The following SNX13 variants were observed in gnomAD, a reference collection of about 807,000 sequenced individuals.
SNX13 encodes sorting nexin-13.
A neutral mutation model predicts 133.6 loss-of-function variants in SNX13; 45 were observed. The ratio of observed to expected loss-of-function variants is 0.34; its 90% CI spans 0.27 to 0.43. The LOEUF (loss-of-function observed/expected upper bound fraction) is 0.43, where lower values mean the gene tolerates loss of function less well. Ranked by LOEUF, SNX13 falls within the 20% of genes least tolerant of loss-of-function variation. The pLI is 1.00. For missense variants in SNX13, 1,032 were observed against 1,145.1 expected (o/e 0.90, Z 1.43); for synonymous variants, 414 against 373.9 (o/e 1.11, Z -1.24).
At chr7:17,794,516 C>G (rs1450209535) in intron 25 of SNX13, 4 of 505,070 alleles carry the variant, frequency 7.9e-6, no homozygotes, top group South Asian at 2.9e-5. Context: ...CAATATAGCA[C>G]AGGTGTAAGA....
At chr7:17,831,445 AG>A in intron 15 of SNX13, 1 of 930,708 alleles carries the variant, frequency 1.1e-6, no homozygotes, top group Non-Finnish European at 1.3e-6. Context: ...GAAAGGGCAA[AG>A]GAAGAAATGA....
intron 13 of SNX13, among the ~76,000 whole-genome samples, chr7:17,836,849 A>C (rs955855762): frequency 5.9e-5 from 9 of 152,080 alleles, no homozygotes; most frequent in Non-Finnish European, 4.4e-5. Flanking sequence ...TGTACATAAA[A>C]GCAAAATATA....
At chr7:17,908,179 T>C (rs557573740) in intron 1 of SNX13, among the ~76,000 whole-genome samples, 1 of 152,312 alleles carries the variant, frequency 6.6e-6, no homozygotes, top group Non-Finnish European at 1.5e-5. Flanking sequence ...GATTATCCTC[T>C]TGGAATTTTT....
Position 17,793,108 on chromosome 7 carries a change from T to C in SNX13, c.*937A>G, listed in dbSNP as rs1188205823. ...GCTATTTCTGCAGTTACCTAAGGCATGTCTAGATCACACAATTAAAAATTA... is the reference window on the plus strand; with the variant it reads ...GCTATTTCTGCAGTTACCTAAGGCACGTCTAGATCACACAATTAAAAATTA... On this transcript the variant is annotated 3_prime_UTR_variant, in exon 26 of 26. Transcript: ENST00000428135. 1.3e-5 allele frequency: 2 copies of C among 152,294 alleles called. No homozygotes were observed. The highest frequency in any genetic ancestry group is 4.8e-5 in the African/African-American group (2 of 41,414). 9.4% of individuals were successfully genotyped at this position (152,294 alleles called of 1,614,324 possible). A position where few individuals can be genotyped will look rare whatever the true frequency, so the allele number is the denominator to read the frequency against.
At chr7:17,927,463 G>C (rs1800893788) in intron 1 of SNX13, among the ~76,000 whole-genome samples, 1 of 151,986 alleles carries the variant, frequency 6.6e-6, no homozygotes, top group Non-Finnish European at 1.5e-5. Flanking sequence ...GGCTGGTCTA[G>C]AACTCATGGG....
intron 17 of SNX13, among the ~76,000 whole-genome samples, chr7:17,825,708 A>G (rs1787833646): frequency 6.6e-6 from 1 of 152,156 alleles, no homozygotes; most frequent in South Asian, 2.1e-4. Context: ...AAAAGATTTA[A>G]CGAGAATTAT....
chr7:17,917,525 C>A (rs1160078995), intron 1 of SNX13, among the ~76,000 whole-genome samples: 4 of 151,926 alleles, frequency 2.6e-5, no homozygotes, highest in Admixed American at 1.3e-4. Flanking sequence ...AAAACCAAAT[C>A]AAGAACACAA....
intron 1 of SNX13, among the ~76,000 whole-genome samples, chr7:17,905,884 C>T (rs1798345135): frequency 6.6e-6 from 1 of 152,194 alleles, no homozygotes; most frequent in Non-Finnish European, 1.5e-5. Context: ...CAGCTTAATG[C>T]AGCCTCCAAT....
intron 11 of SNX13, among the ~76,000 whole-genome samples, chr7:17,849,328 C>T (rs78980569): frequency 4.3e-3 from 653 of 152,270 alleles, no homozygotes; most frequent in Non-Finnish European, 7.8e-3. Context: ...TTAAGAAAAT[C>T]CTATTAGCAC....
intron 5 of SNX13, among the ~76,000 whole-genome samples, chr7:17,886,651 G>C (rs929223436): frequency 6.6e-6 from 1 of 152,008 alleles, no homozygotes; most frequent in South Asian, 2.1e-4. Context: ...AACAATGATG[G>C]AGGGATTTAC....
intron 9 of SNX13, among the ~76,000 whole-genome samples, chr7:17,858,700 A>T (rs1240685178): frequency 6.6e-6 from 1 of 152,150 alleles, no homozygotes; most frequent in Non-Finnish European, 1.5e-5. Flanking sequence ...AGAGACTCAT[A>T]CTGTCCCATT....
chr7:17,805,264 C>T (rs144204895), intron 20 of SNX13, among the ~76,000 whole-genome samples: 58 of 122,362 alleles, frequency 4.7e-4, no homozygotes, highest in African/African-American at 1.5e-3. Flanking sequence ...TGCGCGCGCG[C>T]GCATGCATGC....
chr7:17,906,765 CTCTT>C (rs1798443370), intron 1 of SNX13, among the ~76,000 whole-genome samples: 1 of 152,198 alleles, frequency 6.6e-6, no homozygotes, highest in African/African-American at 2.4e-5. Flanking sequence ...GGAATCATAA[CTCTT>C]TATTTCCACA....
chr7:17,844,371 G>C lies in SNX13; in HGVS notation c.1165+1224C>G, dbSNP rs78750226. 1.0e-2 allele frequency among the ~76,000 whole-genome samples: 1,520 copies of C among 152,128 alleles called. 15 individuals are homozygous for C. The highest frequency in any genetic ancestry group is 0.017 in the Non-Finnish European group (1,122 of 67,928). ...TAAATCATGAAGGAATTGAAAATCT[G>C]AGGAGACTGATAACGTAGTAAGGAG... On this transcript the variant is annotated intron_variant, in intron 12 of 25. Transcript: ENST00000428135.
At chr7:17,828,881 G>A (rs1457865738) in intron 16 of SNX13, among the ~76,000 whole-genome samples, 1 of 151,378 alleles carries the variant, frequency 6.6e-6, no homozygotes, top group Non-Finnish European at 1.5e-5. Flanking sequence ...TCAAACCAAG[G>A]AAGGGTTTCA....
chr7:17,820,683 G>C (rs943077998), intron 18 of SNX13, among the ~76,000 whole-genome samples: 5 of 152,058 alleles, frequency 3.3e-5, no homozygotes, highest in Non-Finnish European at 5.9e-5. Context: ...AGTTGAAAAA[G>C]ATAATTTCTG....
chr7:17,834,623 G>A, intron 14 of SNX13, 138 bp downstream of exon 14: 1 of 485,558 alleles, frequency 2.1e-6, no homozygotes, highest in Non-Finnish European at 3.6e-6. Context: ...TACATTTCTG[G>A]AATTGAGAAG....
intron 15 of SNX13, chr7:17,830,344 A>T: frequency 1.0e-6 from 1 of 984,300 alleles, no homozygotes; most frequent in Non-Finnish European, 1.2e-6. Flanking sequence ...TCATGGTATC[A>T]AGTAAGTTGC....
intron 1 of SNX13, among the ~76,000 whole-genome samples, chr7:17,926,328 A>T (rs1030732982): frequency 7.9e-5 from 12 of 152,236 alleles, no homozygotes; most frequent in Admixed American, 1.3e-4. Context: ...TCACAAATAT[A>T]CTAACAATAT....
Sources: allele counts gnomAD v4.1 joint callset (sites outside exome capture counted in the v4.1 genomes callset), GRCh38; gene constraint gnomAD v4.1.1; transcripts MANE v1.5; gene names NCBI Gene and HGNC (gene_info 2026-07-23, HGNC 2026-07-21).